UGT2B7: variants seen among roughly 807,000 people sequenced by gnomAD.
UGT2B7 encodes UDP glucuronosyltransferase family 2 member B7.
A neutral mutation model predicts 51.9 loss-of-function variants in UGT2B7; 51 were observed. The observed-to-expected ratio is 0.98, with a 90% CI of 0.78 to 1.24. UGT2B7 has a LOEUF of 1.24. UGT2B7 is among the 50% of genes most tolerant of loss of function. The pLI is 0.00. For synonymous variants in UGT2B7, 225 were observed against 211.6 expected, an observed-to-expected ratio of 1.06 and a Z score of -0.55; for missense variants, 727 against 628.4, an observed-to-expected ratio of 1.16 and a Z score of -1.68.
chr4:69,078,533 G>T (rs7679418), intron 1 of UGT2B7, among the ~76,000 whole-genome samples: 5 of 151,896 alleles, frequency 3.3e-5, no homozygotes, highest in South Asian at 2.1e-4. Flanking sequence ...GGAATAAGAT[G>T]AATTCAGTTG....
intron 1 of UGT2B7, among the ~76,000 whole-genome samples, chr4:69,055,800 A>G (rs544958012): frequency 6.6e-6 from 1 of 152,346 alleles, no homozygotes; most frequent in African/African-American, 2.4e-5. Context: ...AGTCTCAATT[A>G]TTAGACAGTA....
chr4:69,067,787 C>T (rs373789280), intron 1 of UGT2B7, among the ~76,000 whole-genome samples: 3 of 151,856 alleles, frequency 2.0e-5, no homozygotes, highest in African/African-American at 7.3e-5. Context: ...GTGTTTTTTT[C>T]GTTTGTTTTA....
At chr4:69,093,805 C>A (rs2109881000), upstream of UGT2B7, among the ~76,000 whole-genome samples, 1 of 152,260 alleles carries the variant, frequency 6.6e-6, no homozygotes. Flanking sequence ...GCCAGGTTGG[C>A]AGTCATCCTG....
In UGT2B7 at chr4:69,097,028, T is replaced by G. The variant is rs1719261013; in HGVS notation, c.508T>G (p.Tyr170Asp). The change falls in exon 1 of 6, where the codon TAC becomes GAC. Residue 170 changes from tyrosine (Y) to aspartate (D), a missense_variant. Physicochemically the swap from Tyr to Asp is radical, Grantham distance 160 (BLOSUM62 -3). Transcript: ENST00000305231. ...LAELFNIPFV[Y>D]SLSFSPGYTF... The stretch of plus-strand genomic sequence containing the variant: ...TGAGCTATTTAACATACCCTTTGTG[T>G]ACAGTCTCAGCTTCTCTCCTGGCTA... 1.1e-5 allele frequency: 17 copies of G among 1,613,888 alleles called. No homozygotes were observed. Among genetic ancestry groups the G allele is most frequent in the Non-Finnish European group, 1.4e-5 (17 of 1,179,812 alleles).
At chr4:69,054,730 G>T (rs1014919510) in intron 1 of UGT2B7, among the ~76,000 whole-genome samples, 1 of 152,016 alleles carries the variant, frequency 6.6e-6, no homozygotes, top group African/African-American at 2.4e-5. Context: ...TACAAGCCCT[G>T]CTCCAGTCAC....
chr4:69,112,742 T>C lies in UGT2B7; in HGVS notation c.*6T>C, dbSNP rs1577930327. 1.2e-6 allele frequency: 2 copies of C among 1,613,246 alleles called. No homozygotes were observed. Among genetic ancestry groups the C allele is most frequent in the South Asian group, 1.1e-5 (1 of 91,020 alleles). On this transcript the variant is annotated 3_prime_UTR_variant, in exon 6 of 6. Coordinates refer to ENST00000305231, the MANE Select transcript of UGT2B7 (RefSeq NM_001074.4). ...AGAAGGGAAAAAATGATTAGTTATA[T>C]CTGAGATTTGAAGCTGGAAAACCTG... is the stretch of plus-strand genomic sequence containing the variant.
At chr4:69,074,012 A>G (rs1438098503) in intron 1 of UGT2B7, among the ~76,000 whole-genome samples, 1 of 151,636 alleles carries the variant, frequency 6.6e-6, no homozygotes. Context: ...TATATTAGTG[A>G]CTCTTCCATC....
At position 69,056,053 on chromosome 4, in the gene UGT2B7, T is replaced by G. The variant is rs200513447; in HGVS notation, c.-159+4451T>G. On this transcript the variant is annotated intron_variant, in intron 1 of 5. Transcript: ENST00000502942. ...TGTAGACACAGAGCTTATGCTAAGC[T>G]GCCTGATCAGTGGAGAGGTAGCTGT... is the stretch of plus-strand genomic sequence containing the variant. 0.014 allele frequency among the ~76,000 whole-genome samples: 2,155 copies of G among 152,222 alleles called. 161 individuals are homozygous for G. In the East Asian group the frequency reaches 0.23, roughly 16 times the overall value.
upstream of UGT2B7, among the ~76,000 whole-genome samples, chr4:69,094,575 T>A (rs1367363942): frequency 6.6e-6 from 1 of 152,252 alleles, no homozygotes; most frequent in Non-Finnish European, 1.5e-5. Flanking sequence ...GTGCTAATGA[T>A]CATCTGAGTC....
chr4:69,057,996 C>T (rs1718245773), intron 1 of UGT2B7, among the ~76,000 whole-genome samples: 1 of 152,156 alleles, frequency 6.6e-6, no homozygotes, highest in Non-Finnish European at 1.5e-5. Context: ...TAACTCATGG[C>T]TGAATGCAGC....
intron 2 of UGT2B7, among the ~76,000 whole-genome samples, chr4:69,102,440 C>G (rs28675300): frequency 0.033 from 5,071 of 152,170 alleles, 119 homozygotes; most frequent in Middle Eastern, 0.11. Flanking sequence ...GCTGAGTGGT[C>G]CCACTTTCCA....
At chr4:69,064,901 A>T (rs1718454786) in intron 1 of UGT2B7, among the ~76,000 whole-genome samples, 1 of 152,182 alleles carries the variant, frequency 6.6e-6, no homozygotes, top group Non-Finnish European at 1.5e-5. Flanking sequence ...ATTAGAAAAA[A>T]ATACATAATT....
chr4:69,058,765 C>T (rs1232736664), intron 1 of UGT2B7, among the ~76,000 whole-genome samples: 1 of 152,046 alleles, frequency 6.6e-6, no homozygotes, highest in South Asian at 2.1e-4. Context: ...GATCAGGAGG[C>T]AAAGACAGAG....
rs1288555752 is a variant in UGT2B7 at position 69,102,995 on chromosome 4, G to A, written c.1002+57G>A. ...CTACTGAAAGAGGCTGTTAAAGTTTGAAGTAATCCAATTATAGAAACTTCT... is the reference window on the plus strand; with the variant it reads ...CTACTGAAAGAGGCTGTTAAAGTTTAAAGTAATCCAATTATAGAAACTTCT... On this transcript the variant is annotated intron_variant, in intron 3 of 5. Transcript: ENST00000305231. The A allele has an allele frequency of 5.1e-6, 8 of 1,574,068 alleles. No individual in the cohort carries two copies. In the Admixed American group the frequency reaches 1.5e-4, roughly 29 times the overall value.
chr4:69,075,210 G>T (rs1178041742), intron 1 of UGT2B7, among the ~76,000 whole-genome samples: 18 of 152,114 alleles, frequency 1.2e-4, no homozygotes, highest in Admixed American at 1.1e-3. Context: ...CAAATACTTT[G>T]ACATTCTTAT....
Position 69,108,321 on chromosome 4 carries a change from T to C in UGT2B7, c.1309T>C (p.Ser437Pro), listed in dbSNP as rs1379549268. Reference sequence around the variant, plus strand: ...ATTGAAGAGAGTAATTAATGATCCTTCGTGAGTAGAACAATATTTTTCACT... The same window carrying C: ...ATTGAAGAGAGTAATTAATGATCCTCCGTGAGTAGAACAATATTTTTCACT... Reference protein sequence around the residue: ...NALKRVINDPSYKENVMKLSR... With the variant: ...NALKRVINDPPYKENVMKLSR... The change falls in exon 5 of 6, where the codon TCA (serine) becomes CCA (proline). Residue 437 changes from serine (S) to proline (P), a missense_variant and splice_region_variant. By Grantham distance (74) the Ser-to-Pro change is moderately conservative (BLOSUM62 -1). Coordinates refer to ENST00000305231, the MANE Select transcript of UGT2B7 (RefSeq NM_001074.4). The C allele has an allele frequency of 1.2e-6, 2 of 1,613,282 alleles. No individual in the cohort carries two copies. The highest frequency in any genetic ancestry group is 2.2e-5 in the South Asian group (2 of 91,066).
intron 1 of UGT2B7, among the ~76,000 whole-genome samples, chr4:69,057,591 A>G (rs1021832474): frequency 6.6e-6 from 1 of 152,232 alleles, no homozygotes; most frequent in African/African-American, 2.4e-5. Flanking sequence ...CATATTCATA[A>G]CAGCACTATT....
At chr4:69,075,165 A>G (rs1490135378) in intron 1 of UGT2B7, among the ~76,000 whole-genome samples, 1 of 152,134 alleles carries the variant, frequency 6.6e-6, no homozygotes, top group Non-Finnish European at 1.5e-5. Context: ...GACCAACTCA[A>G]TAGCTTAAAT....
intron 1 of UGT2B7, among the ~76,000 whole-genome samples, chr4:69,083,558 C>T (rs1167322410): frequency 1.3e-5 from 2 of 151,998 alleles, no homozygotes; most frequent in Non-Finnish European, 2.9e-5. Flanking sequence ...TATTCCATTT[C>T]TTTCATCAAT....
Sources: gnomAD v4.1 joint callset for allele counts (sites outside exome capture counted in the v4.1 genomes callset) on GRCh38, gnomAD v4.1.1 for gene constraint, MANE v1.5 for transcripts, NCBI Gene and HGNC (gene_info 2026-07-23, HGNC 2026-07-21) for gene names.